The following CELA3B variants were observed in gnomAD, a reference collection of about 807,000 sequenced individuals.
CELA3B encodes chymotrypsin-like elastase family member 3B.
CELA3B carries 34 observed loss-of-function variants against 37.2 expected under a neutral mutation model. The ratio of observed to expected loss-of-function variants is 0.91; its 90% confidence interval spans 0.70 to 1.22. CELA3B has a LOEUF of 1.22. Among genes scored for constraint, CELA3B ranks in the 50% most tolerant of loss-of-function variants. CELA3B has a pLI of 0.00. For synonymous variants in CELA3B, 127 were observed against 143.5 expected, an observed-to-expected ratio of 0.89 and a Z score of 0.82; for missense variants, 340 against 363.1, an observed-to-expected ratio of 0.94 and a Z score of 0.52.
chr1:21,982,463 G>GGC, intron 4 of CELA3B, among the ~76,000 whole-genome samples: 1 of 151,828 alleles, frequency 6.6e-6, no homozygotes, highest in African/African-American at 2.4e-5. Context: ...CAGGTGTGGT[G>GGC]ACGCGCACCT....
Position 21,981,077 on chromosome 1 carries a change from C to T in CELA3B, c.267C>T (p.Asp89=). 3 of 1,613,978 alleles carry T rather than the reference C, an allele frequency of 1.9e-6. No individual in the cohort carries two copies. Among genetic ancestry groups the T allele is most frequent in the South Asian group, 2.2e-5 (2 of 91,070 alleles). The change falls in exon 4 of 8, where the codon GAC becomes GAT. Residue 89 remains aspartate, a synonymous_variant. Transcript: ENST00000337107. ...ACCAGGTGGTGTTGGGCGAGTACGA[C>T]CGTGCTGTGAAGGAGGGCCCCGAGC... The part of the protein sequence containing the change: ...RTYQVVLGEY[D]RAVKEGPEQV...
intron 1 of CELA3B, 137 bp downstream of exon 1, chr1:21,977,219 T>G: frequency 2.3e-6 from 3 of 1,320,960 alleles, no homozygotes; most frequent in African/African-American, 1.5e-5. Context: ...CCCGGGGGCA[T>G]GACTGTGGGG....
In CELA3B at chr1:21,980,864, C is replaced by T. The variant is rs534541989; in HGVS notation, c.170C>T (p.Thr57Ile). ...GAGAAAAGCGGAAGCTTCTACCACA[C>T]CTGTGGCGGTAGCCTCATCGCCCCC... ...QYEKSGSFYH[T>I]CGGSLIAPDW... is the part of the protein sequence containing the mutation. Residue 57 changes from threonine to isoleucine, a missense_variant, in exon 3 of 8, where the codon ACC (threonine) becomes ATC (isoleucine). Physicochemically the swap from Thr to Ile is moderately conservative, Grantham distance 89. Coordinates refer to ENST00000337107, the MANE Select transcript of CELA3B (RefSeq NM_007352.4). 6.8e-5 allele frequency: 110 copies of T among 1,609,368 alleles called. 1 individual carries two copies. Among genetic ancestry groups the T allele is most frequent in the Non-Finnish European group, 8.2e-5 (96 of 1,177,838 alleles).
intron 7 of CELA3B, among the ~76,000 whole-genome samples, chr1:21,988,733 T>C (rs1412588924): frequency 2.0e-5 from 3 of 150,518 alleles, no homozygotes; most frequent in East Asian, 1.9e-4. Context: ...CTACTAAAAA[T>C]ACAAAAATTA....
At chr1:21,996,095 T>G (rs1178079377) in intron 4 of CELA3B, among the ~76,000 whole-genome samples, 1 of 151,058 alleles carries the variant, frequency 6.6e-6, no homozygotes, top group Non-Finnish European at 1.5e-5. Flanking sequence ...TGCCTGTAGT[T>G]CCAGCTACTG....
intron 4 of CELA3B, 145 bp from the exon 5 acceptor site, chr1:21,983,549 A>ATGC: frequency 1.7e-6 from 2 of 1,164,844 alleles, no homozygotes; most frequent in Non-Finnish European, 2.2e-6. Context: ...AATAATAATA[A>ATGC]TGATGATGAT....
chr1:21,984,232 G>C lies in CELA3B; in HGVS notation c.543G>C (p.Pro181=), dbSNP rs3820287. 1,502,123 of 1,614,010 alleles carry C rather than the reference G, an allele frequency of 0.93. 701,839 individuals are homozygous for C. The highest frequency in any genetic ancestry group is 0.95 in the South Asian group (86,629 of 91,074). ...ACAAGCTGCAGGAGGCCCTGCTGCC[G>C]GTGGTGGACTATGAACACTGCTCCA... ...LPDKLQEALL[P]VVDYEHCSRW... Residue 181 remains proline (P), a synonymous_variant, in exon 6 of 8, where the codon CCG becomes CCC. Transcript: ENST00000337107.
At position 21,984,214 on chromosome 1, in the gene CELA3B, G is replaced by T. The variant is rs1317249108; in HGVS notation, c.525G>T (p.Leu175=). Residue 175 remains leucine (L), a synonymous_variant, in exon 6 of 8, where the codon CTG becomes CTT. Transcript: ENST00000337107. ...CCAACGGGCCACTCCCAGACAAGCTGCAGGAGGCCCTGCTGCCGGTGGTGG... is the reference window on the plus strand; with the variant it reads ...CCAACGGGCCACTCCCAGACAAGCTTCAGGAGGCCCTGCTGCCGGTGGTGG... ...LYTNGPLPDK[L]QEALLPVVDY... The T allele has an allele frequency of 1.9e-6, 3 of 1,614,062 alleles. No homozygotes were observed. The highest frequency in any genetic ancestry group is 2.5e-6 in the Non-Finnish European group (3 of 1,179,962).
chr1:21,986,611 C>G lies in CELA3B; in HGVS notation c.723C>G (p.Ala241=). The change falls in exon 7 of 8, where the codon GCC becomes GCG. Residue 241 remains alanine (A), a synonymous_variant. Coordinates refer to ENST00000337107, the MANE Select transcript of CELA3B (RefSeq NM_007352.4). ...QVHGVTSFVS[A]FGCNTRRKPT... ...ATGGCGTGACCAGCTTTGTTTCTGC[C>G]TTTGGCTGCAACACCCGCAGGAAGC... The G allele has an allele frequency of 6.2e-7, 1 of 1,614,114 alleles. No homozygotes were observed. The highest frequency in any genetic ancestry group is 1.6e-4 in the Middle Eastern group (1 of 6,062).
chr1:21,978,484 C>T (rs1173981200), intron 2 of CELA3B, 30 bp downstream of exon 2: 1 of 1,610,084 alleles, frequency 6.2e-7, no homozygotes, highest in Non-Finnish European at 8.5e-7. Flanking sequence ...CCCTCATTCC[C>T]ACCGTGGGCT....
At position 21,983,737 on chromosome 1, in the gene CELA3B, G is replaced by A. The variant is rs1406310505; in HGVS notation, c.406G>A (p.Gly136Arg). The A allele has an allele frequency of 6.2e-7, 1 of 1,613,954 alleles. No homozygotes were observed. The highest frequency in any genetic ancestry group is 1.3e-5 in the African/African-American group (1 of 74,906). ...CAAGCTCTCACGCAGCGCCCAGCTG[G>A]GAGACGCCGTCCAGCTCGCCTCACT... ...LIKLSRSAQL[G>R]DAVQLASLPP... is the part of the protein sequence containing the mutation. Residue 136 changes from glycine to arginine, a missense_variant, in exon 5 of 8, where the codon GGA becomes AGA. Physicochemically the swap from Gly to Arg is moderately radical, Grantham distance 125 (BLOSUM62 -2). Transcript: ENST00000337107.
chr1:21,987,237 A>G (rs111384408), intron 7 of CELA3B, among the ~76,000 whole-genome samples: 3,395 of 150,980 alleles, frequency 0.022, 65 homozygotes, highest in Non-Finnish European at 0.033. Flanking sequence ...GGTGGATCAC[A>G]AGGTCAGGAG....
At chr1:21,985,868 G>A (rs1349368539) in intron 6 of CELA3B, among the ~76,000 whole-genome samples, 5 of 151,584 alleles carry the variant, frequency 3.3e-5, no homozygotes, top group Non-Finnish European at 5.9e-5. Context: ...TCCAACCTGG[G>A]CGACAGAGCG....
At chr1:21,998,163 A>C (rs935243205) in exon 5 of CELA3B, 13 of 470,280 alleles carry the variant, frequency 2.8e-5, no homozygotes, top group African/African-American at 8.1e-5. Flanking sequence ...ACTACAGGGC[A>C]ACAAGGCACC....
chr1:21,996,380 G>T (rs1025517977), intron 4 of CELA3B, among the ~76,000 whole-genome samples: 3 of 151,098 alleles, frequency 2.0e-5, no homozygotes, highest in African/African-American at 7.4e-5. Flanking sequence ...AGATAGCCAT[G>T]AGAGTGACCT....
chr1:21,989,813 G>T (rs1192254626), downstream of CELA3B, among the ~76,000 whole-genome samples: 1 of 150,784 alleles, frequency 6.6e-6, no homozygotes, highest in Non-Finnish European at 1.5e-5. Flanking sequence ...TGTTTTAAAG[G>T]AGGGCTCAGA....
At chr1:21,977,598 T>A (rs1435461407) in intron 1 of CELA3B, among the ~76,000 whole-genome samples, 1 of 152,228 alleles carries the variant, frequency 6.6e-6, no homozygotes, top group Non-Finnish European at 1.5e-5. Context: ...GTTTTCCTTA[T>A]ACTTTCTCAT....
chr1:21,984,123 C>T, intron 5 of CELA3B, 66 bp from the exon 6 acceptor site: 2 of 1,557,902 alleles, frequency 1.3e-6, no homozygotes, highest in Non-Finnish European at 1.7e-6. Context: ...CTTGGATGCC[C>T]CCTTCCTCTG....
At chr1:21,997,131 G>A (rs1333238646) in intron 4 of CELA3B, among the ~76,000 whole-genome samples, 2 of 149,688 alleles carry the variant, frequency 1.3e-5, no homozygotes, top group African/African-American at 5.0e-5. Flanking sequence ...AGGCTGAGGC[G>A]GGCAGATCAT....
Sources: allele counts gnomAD v4.1 joint callset (sites outside exome capture counted in the v4.1 genomes callset), GRCh38; gene constraint gnomAD v4.1.1; transcripts MANE v1.5; gene names NCBI Gene and HGNC (gene_info 2026-07-23, HGNC 2026-07-21).